Variants in POU6F2 observed in about 807,000 individuals in gnomAD.
The protein encoded by POU6F2 is POU domain, class 6, transcription factor 2.
A neutral mutation model predicts 71.3 loss-of-function variants in POU6F2; 31 were observed. That is an observed-to-expected ratio of 0.43 (90% confidence interval 0.33 to 0.59). The LOEUF is 0.59. POU6F2 is among the 20% of genes least tolerant of loss of function. The pLI, the probability that POU6F2 is intolerant of heterozygous loss-of-function variation, is 0.04. For missense variants in POU6F2, 783 were observed against 856.8 expected (o/e 0.91, Z 1.07); for synonymous variants, 347 against 355.7 (o/e 0.98, Z 0.27).
intron 2 of POU6F2, among the ~76,000 whole-genome samples, chr7:39,179,513 CCGCACGCGCG>C (rs1793393348): frequency 6.6e-6 from 1 of 151,894 alleles, no homozygotes; most frequent in East Asian, 1.9e-4. Context: ...GGGACTGAGA[CCGCACGCGCG>C]CACATGCGCG....
rs145300643 is a variant in POU6F2, at chr7:39,153,424, G to T, written c.278-50811G>T. Among the ~76,000 whole-genome samples the T allele has an allele frequency of 2.9e-3, 434 of 152,024 alleles. 1 individual carries two copies. The highest frequency in any genetic ancestry group is 9.9e-3 in the African/African-American group (411 of 41,446). On this transcript the variant is annotated intron_variant, in intron 2 of 9. Transcript: ENST00000518318. Reference sequence around the variant, plus strand: ...TCTGATTTTGCTACACAATACGATCGCATCCCACCCTTTGGGGGAAAAATG... The same window carrying T: ...TCTGATTTTGCTACACAATACGATCTCATCCCACCCTTTGGGGGAAAAATG...
chr7:39,429,613 G>C (rs577636764), intron 6 of POU6F2, among the ~76,000 whole-genome samples: 2 of 152,104 alleles, frequency 1.3e-5, no homozygotes, highest in Non-Finnish European at 2.9e-5. Context: ...AGGAATCCTC[G>C]GCATTTCAGG....
chr7:39,432,215 T>C (rs10951604), intron 6 of POU6F2, among the ~76,000 whole-genome samples: 50,897 of 151,880 alleles, frequency 0.34, 9,588 homozygotes, highest in East Asian at 0.58. Flanking sequence ...TCAGTCCCCA[T>C]GGTCCCTCGT....
intron 5 of POU6F2, among the ~76,000 whole-genome samples, chr7:39,369,961 T>TTTTATACATTA (rs1786576402): frequency 6.6e-6 from 1 of 152,030 alleles, no homozygotes; most frequent in African/African-American, 2.4e-5. Context: ...CCCAAAGTAC[T>TTTTATACATTA]GCCACCGCAC....
At chr7:39,037,283 CTTTTT>C (rs1790087563) in intron 1 of POU6F2, among the ~76,000 whole-genome samples, 1 of 151,962 alleles carries the variant, frequency 6.6e-6, no homozygotes, top group Non-Finnish European at 1.5e-5. Context: ...CATTTATTTT[CTTTTT>C]TGAGACCTCA....
intron 4 of POU6F2, among the ~76,000 whole-genome samples, chr7:39,217,684 A>G (rs906136232): frequency 7.9e-5 from 12 of 152,236 alleles, no homozygotes; most frequent in Non-Finnish European, 1.8e-4. Flanking sequence ...AAGACACGCC[A>G]TACAATAATA....
chr7:39,041,553 A>G (rs1048793023), intron 1 of POU6F2, among the ~76,000 whole-genome samples: 7 of 151,964 alleles, frequency 4.6e-5, no homozygotes, highest in Admixed American at 1.3e-4. Flanking sequence ...AATTATCTGT[A>G]AGGTTAACCA....
chr7:39,033,191 A>C (rs1240342507), intron 1 of POU6F2, among the ~76,000 whole-genome samples: 1 of 152,254 alleles, frequency 6.6e-6, no homozygotes, highest in Admixed American at 6.5e-5. Flanking sequence ...CCTAAAAACA[A>C]CACATATATA....
intron 3 of POU6F2, 66 bp from the exon 4 acceptor site, chr7:39,207,326 G>A: frequency 6.8e-7 from 1 of 1,461,278 alleles, no homozygotes; most frequent in Non-Finnish European, 9.4e-7. Flanking sequence ...GTGGAAAGAA[G>A]ATGTTTTTAA....
At chr7:38,978,984 A>G (rs1788247027) in intron 1 of POU6F2, among the ~76,000 whole-genome samples, 1 of 152,210 alleles carries the variant, frequency 6.6e-6, no homozygotes, top group African/African-American at 2.4e-5. Flanking sequence ...TTGCCTTCAG[A>G]TAACTAAAGT....
At chr7:39,211,963 C>A (rs1407594666) in intron 4 of POU6F2, among the ~76,000 whole-genome samples, 4 of 152,188 alleles carry the variant, frequency 2.6e-5, no homozygotes, top group African/African-American at 9.7e-5. Flanking sequence ...AATTCATGTA[C>A]CTGTCAGGAA....
rs146629715 is a variant in POU6F2 at position 39,023,622 on chromosome 7, G to A, written c.105+45564G>A. ...TCTTGGTTTAGAGTGATACACAAAA[G>A]TCCAAATACATTTTCCATTTTTCTT... On this transcript the variant is annotated intron_variant, in intron 1 of 9. Transcript: ENST00000518318. 2.8e-3 allele frequency among the ~76,000 whole-genome samples: 419 copies of A among 152,156 alleles called. 1 individual carries two copies. The highest frequency in any genetic ancestry group is 4.0e-3 in the Non-Finnish European group (271 of 67,972).
chr7:39,190,884 C>A (rs960457884), intron 2 of POU6F2, among the ~76,000 whole-genome samples: 1 of 152,066 alleles, frequency 6.6e-6, no homozygotes, highest in Non-Finnish European at 1.5e-5. Flanking sequence ...GATCTGCCTG[C>A]CTCAGCTCCC....
chr7:39,075,250 G>A (rs1254952927), intron 1 of POU6F2, among the ~76,000 whole-genome samples: 2 of 152,072 alleles, frequency 1.3e-5, no homozygotes, highest in South Asian at 2.1e-4. Flanking sequence ...TGAAGTGCCC[G>A]GTCCAATGTC....
At chr7:39,111,066 A>G (rs1019625645) in intron 2 of POU6F2, among the ~76,000 whole-genome samples, 5 of 152,298 alleles carry the variant, frequency 3.3e-5, no homozygotes, top group African/African-American at 1.2e-4. Flanking sequence ...TCAATTTTTG[A>G]TAAATGTGTA....
chr7:39,255,803 G>A (rs1481349465), intron 4 of POU6F2, among the ~76,000 whole-genome samples: 1 of 152,170 alleles, frequency 6.6e-6, no homozygotes, highest in African/African-American at 2.4e-5. Flanking sequence ...AAAAGTCTGT[G>A]TATGTGAATT....
intron 2 of POU6F2, among the ~76,000 whole-genome samples, chr7:39,167,500 G>A (rs1210379327): frequency 6.6e-6 from 1 of 152,214 alleles, no homozygotes. Flanking sequence ...TTGCGTCAGT[G>A]TGACTATTAC....
rs940855522 is a variant in POU6F2, at chr7:39,100,671, T to C, written c.277+14640T>C. Among the ~76,000 whole-genome samples the C allele has an allele frequency of 7.9e-5, 12 of 152,336 alleles. No individual in the cohort carries two copies. The South Asian group carries it at 1.9e-3, about 24-fold the overall frequency. On this transcript the variant is annotated intron_variant, in intron 2 of 9. Transcript: ENST00000518318. ...TTAATGTTAAGTAGAAGAGACAAAC[T>C]CTCTTTTAAGCCAGTGGCAATGACC...
intron 6 of POU6F2, among the ~76,000 whole-genome samples, chr7:39,410,317 A>G (rs1224108084): frequency 6.6e-6 from 1 of 152,216 alleles, no homozygotes; most frequent in African/African-American, 2.4e-5. Flanking sequence ...TCCAAAATAA[A>G]TAAATAAAAT....
Sources: allele counts gnomAD v4.1 joint callset (sites outside exome capture counted in the v4.1 genomes callset), GRCh38; gene constraint gnomAD v4.1.1; transcripts MANE v1.5; gene names NCBI Gene and HGNC (gene_info 2026-07-23, HGNC 2026-07-21).